The following NEBL variants were observed in gnomAD, a reference collection of about 807,000 sequenced individuals.
NEBL encodes the protein nebulette.
In NEBL, 122 loss-of-function variants were observed where a neutral mutation model predicts 140.2. The observed-to-expected ratio is 0.87, with a 90% CI of 0.75 to 1.01. The LOEUF (loss-of-function observed/expected upper bound fraction) is 1.01, where lower values mean the gene tolerates loss of function less well. Ranked by LOEUF, NEBL falls within the 50% of genes least tolerant of loss-of-function variation. The pLI, the probability that NEBL is intolerant of heterozygous loss-of-function variation, is 0.00. For synonymous variants in NEBL, 436 were observed against 398.9 expected (o/e 1.09, Z -1.11); for missense variants, 1,365 against 1,231.3 (o/e 1.11, Z -1.62).
At chr10:20,992,765 CTTTTTTTTTTTTT>C (rs35627113) in intron 3 of NEBL, among the ~76,000 whole-genome samples, 1 of 52,452 alleles carries the variant, frequency 1.9e-5, no homozygotes. Context: ...ACTACAAAGT[CTTTTTTTTTTTTT>C]TTTTTTTTTT....
At chr10:21,181,356 G>A (rs11598697) in intron 3 of NEBL, among the ~76,000 whole-genome samples, 33,634 of 148,762 alleles carry the variant, frequency 0.23, 3,922 homozygotes, top group East Asian at 0.34. Flanking sequence ...AATAAACAGA[G>A]ATGAAAAAAA....
chr10:21,138,900 T>C (rs1339910881), intron 2 of NEBL, among the ~76,000 whole-genome samples: 1 of 150,952 alleles, frequency 6.6e-6, no homozygotes, highest in East Asian at 1.9e-4. Context: ...TTCCAGACAC[T>C]CTAAGTAAGC....
At chr10:21,094,499 C>CAAAAAA (rs72278772) in intron 2 of NEBL, among the ~76,000 whole-genome samples, 2 of 63,210 alleles carry the variant, frequency 3.2e-5, no homozygotes, top group Non-Finnish European at 5.8e-5. Context: ...GACTCCGTCT[C>CAAAAAA]AAAAAAAAAA....
intron 2 of NEBL, among the ~76,000 whole-genome samples, chr10:21,105,209 G>A (rs1213874921): frequency 1.3e-5 from 2 of 151,420 alleles, no homozygotes; most frequent in African/African-American, 4.9e-5. Flanking sequence ...TATATTTTAA[G>A]TTCGGGGATA....
intron 1 of NEBL, among the ~76,000 whole-genome samples, chr10:21,291,807 G>T (rs970528991): frequency 1.2e-4 from 19 of 152,002 alleles, no homozygotes; most frequent in Non-Finnish European, 1.8e-4. Flanking sequence ...CCCAGAGGCT[G>T]AGTCAGGAGA....
At chr10:21,078,991 A>G (rs1836241323) in intron 2 of NEBL, among the ~76,000 whole-genome samples, 1 of 152,220 alleles carries the variant, frequency 6.6e-6, no homozygotes, top group African/African-American at 2.4e-5. Context: ...CAGCCTTTAT[A>G]GAAACATCAG....
intron 2 of NEBL, among the ~76,000 whole-genome samples, chr10:21,082,577 TAG>T (rs756135262): frequency 2.4e-3 from 307 of 126,734 alleles, no homozygotes; most frequent in Non-Finnish European, 3.2e-3. Flanking sequence ...TAAGACTGTG[TAG>T]AGAGAGTGGA....
intron 8 of NEBL, among the ~76,000 whole-genome samples, chr10:20,859,180 ACAT>A (rs993827411): frequency 6.6e-6 from 1 of 152,162 alleles, no homozygotes; most frequent in African/African-American, 2.4e-5. Flanking sequence ...AGAATTTAAA[ACAT>A]CATTTCTTGT....
At chr10:21,283,664 A>G (rs1348260408) in intron 1 of NEBL, among the ~76,000 whole-genome samples, 1 of 152,168 alleles carries the variant, frequency 6.6e-6, no homozygotes, top group Non-Finnish European at 1.5e-5. Context: ...AGACCCCTCA[A>G]TCAAACCTAT....
intron 4 of NEBL, chr10:20,961,568 T>C (rs1836051447): frequency 2.3e-6 from 2 of 861,850 alleles, no homozygotes; most frequent in South Asian, 2.6e-5. Flanking sequence ...TGAGTACTGC[T>C]TGCACCCCAC....
chr10:21,099,785 A>T (rs373968420), intron 2 of NEBL, among the ~76,000 whole-genome samples: 2 of 152,190 alleles, frequency 1.3e-5, no homozygotes, highest in East Asian at 3.9e-4. Context: ...AATGTTGCAG[A>T]TCAGTTGCAA....
chr10:20,981,640 G>A (rs1288971344), intron 3 of NEBL, among the ~76,000 whole-genome samples: 1 of 152,098 alleles, frequency 6.6e-6, no homozygotes, highest in East Asian at 1.9e-4. Flanking sequence ...CTATTTCAGT[G>A]ACTTGTTCAG....
intron 2 of NEBL, among the ~76,000 whole-genome samples, chr10:21,024,319 C>G (rs943342863): frequency 6.6e-6 from 1 of 151,772 alleles, no homozygotes; most frequent in Admixed American, 6.6e-5. Flanking sequence ...AAGAAACTAT[C>G]CAAAATCTTG....
chr10:21,171,350 GAAAAAAAA>G (rs59257677), intron 2 of NEBL, among the ~76,000 whole-genome samples: 3 of 81,598 alleles, frequency 3.7e-5, no homozygotes, highest in African/African-American at 1.5e-4. Context: ...AAAAAAAAAA[GAAAAAAAA>G]AAAAGAAAGA....
upstream of NEBL, among the ~76,000 whole-genome samples, chr10:20,898,085 C>T (rs1847653383): frequency 6.6e-6 from 1 of 152,044 alleles, no homozygotes; most frequent in South Asian, 2.1e-4. Flanking sequence ...ACTCAATGGG[C>T]ACCCCACATT....
At chr10:21,253,145 C>T (rs528366648) in intron 1 of NEBL, among the ~76,000 whole-genome samples, 1 of 152,280 alleles carries the variant, frequency 6.6e-6, no homozygotes, top group East Asian at 1.9e-4. Context: ...ACCTGTAATC[C>T]AAGCTACTCA....
chr10:20,837,805 T>G (rs1214662862), intron 13 of NEBL, among the ~76,000 whole-genome samples: 1 of 152,218 alleles, frequency 6.6e-6, no homozygotes, highest in Admixed American at 6.5e-5. Context: ...CTGGAAATCC[T>G]AGGGTCTTTA....
chr10:20,815,794 G>T, intron 21 of NEBL, 77 bp from the exon 22 acceptor site: 3 of 1,066,652 alleles, frequency 2.8e-6, no homozygotes, highest in East Asian at 2.4e-5. Context: ...TTTAAGACAG[G>T]GTCTTGCTCT....
intron 3 of NEBL, among the ~76,000 whole-genome samples, chr10:21,199,168 G>A (rs959524797): frequency 6.6e-6 from 1 of 151,544 alleles, no homozygotes; most frequent in Non-Finnish European, 1.5e-5. Flanking sequence ...GGGACGACGG[G>A]TGTGAGCCAC....
Sources: allele counts gnomAD v4.1 joint callset (sites outside exome capture counted in the v4.1 genomes callset), GRCh38; gene constraint gnomAD v4.1.1; transcripts MANE v1.5; gene names NCBI Gene and HGNC (gene_info 2026-07-23, HGNC 2026-07-21).